CKMT2: variants seen among roughly 807,000 people sequenced by gnomAD.
CKMT2 encodes the protein creatine kinase, mitochondrial 2.
A neutral mutation model predicts 48.9 loss-of-function variants in CKMT2; 43 were observed. The observed-to-expected ratio is 0.88, with a 90% CI of 0.69 to 1.13. The LOEUF (loss-of-function observed/expected upper bound fraction) is 1.13, where lower values mean the gene tolerates loss of function less well. CKMT2 is among the 50% of genes most tolerant of loss of function. The probability of loss-of-function intolerance (pLI) is 0.00; values close to 1 mark genes in which losing one functional copy is unlikely to be tolerated. For missense variants in CKMT2, 472 were observed against 555.4 expected (o/e 0.85, Z 1.51); for synonymous variants, 206 against 213.0 (o/e 0.97, Z 0.29).
In CKMT2 at chr5:81,255,126, C is replaced by G. The variant is rs1045721478; in HGVS notation, c.581C>G (p.Thr194Ser). ...AGGGAGGTAGAGAACGTGGCCATCACTGCCCTGGAGGGCCTCAAGGGGGAC... is the reference window on the plus strand; with the variant it reads ...AGGGAGGTAGAGAACGTGGCCATCAGTGCCCTGGAGGGCCTCAAGGGGGAC... ...ERREVENVAI[T>S]ALEGLKGDLA... The change falls in exon 5 of 10, where the codon ACT becomes AGT. Residue 194 changes from threonine (T) to serine (S), a missense_variant. Transcript: ENST00000254035. The G allele has an allele frequency of 6.2e-7, 1 of 1,613,996 alleles. No individual in the cohort carries two copies. Among genetic ancestry groups the G allele is most frequent in the African/African-American group, 1.3e-5 (1 of 74,946 alleles).
intron 1 of CKMT2, chr5:81,242,388 T>C: frequency 2.0e-6 from 1 of 494,268 alleles, no homozygotes; most frequent in South Asian, 1.6e-5. Flanking sequence ...CTCCTTGCCA[T>C]AGTCCTTAAC....
In CKMT2 at chr5:81,257,713, C is replaced by T. The variant is rs1397104966; in HGVS notation, c.756-20C>T. 6.2e-7 allele frequency: 1 copy of T among 1,604,448 alleles called. No individual in the cohort carries two copies. Among genetic ancestry groups the T allele is most frequent in the Admixed American group, 1.7e-5 (1 of 58,386 alleles). ...AACAAATGCAATTAACACTCAGTAC[C>T]ATATTTCTCTCTTCATTAGGCATAA... On this transcript the variant is annotated intron_variant, in intron 6 of 9. Coordinates refer to ENST00000254035, the MANE Select transcript of CKMT2 (RefSeq NM_001099735.2).
intron 5 of CKMT2, 75 bp from the exon 6 acceptor site, chr5:81,256,840 T>C: frequency 1.9e-6 from 2 of 1,065,288 alleles, no homozygotes; most frequent in Non-Finnish European, 2.8e-6. Context: ...GGGTTGGAAC[T>C]TGTTCACCTG....
rs182678114 is a variant in CKMT2 at position 81,235,397 on chromosome 5, G to A, written c.-21+2020G>A. On this transcript the variant is annotated intron_variant, in intron 1 of 9. Coordinates refer to ENST00000254035, the MANE Select transcript of CKMT2 (RefSeq NM_001099735.2). ...TTGTTCAGAGTGTTCTGTGGAGCTG[G>A]TCCAAGCCCAAGGACATCCTCTGTT... Among the ~76,000 whole-genome samples, 15 of 152,302 alleles carry A rather than the reference G, an allele frequency of 9.8e-5. No homozygotes were observed. The East Asian group carries it at 2.7e-3, about 27-fold the overall frequency.
At chr5:81,237,385 G>A (rs1756277883) in intron 1 of CKMT2, among the ~76,000 whole-genome samples, 1 of 152,076 alleles carries the variant, frequency 6.6e-6, no homozygotes, top group South Asian at 2.1e-4. Flanking sequence ...CCATGATGGG[G>A]AGGAGCTGCT....
In CKMT2 at chr5:81,234,787, G is replaced by A. The variant is rs115068417; in HGVS notation, c.-21+1410G>A. 3.3e-3 allele frequency among the ~76,000 whole-genome samples: 498 copies of A among 152,220 alleles called. 4 individuals carry two copies. Among genetic ancestry groups the A allele is most frequent in the African/African-American group, 0.012 (487 of 41,560 alleles). ...ACCATACAGAATGGGGAGTCCTGGG[G>A]TTTCAGACACAGGAGGGAGACTGAC... On this transcript the variant is annotated intron_variant, in intron 1 of 9. Transcript: ENST00000254035.
chr5:81,254,407 CCT>C lies in CKMT2; in HGVS notation c.364_365del (p.Leu122PhefsTer2). The stretch of plus-strand genomic sequence containing the variant: ...CTTCCCTCCTGCAGGTGTTTGCTGA[CCT>C]TTTTGACCCCGTCATCAAACTAAGA... Reference protein sequence around the residue: ...DEESYEVFADLFDPVIKLRHN... With the variant: ...DEESYEVFADXFDPVIKLRHN... On this transcript the variant is annotated frameshift_variant, in exon 4 of 10. Transcript: ENST00000254035. LOFTEE classifies it high-confidence loss of function. 6.2e-7 allele frequency: 1 copy of C among 1,613,962 alleles called. No homozygotes were observed. The highest frequency in any genetic ancestry group is 1.3e-5 in the African/African-American group (1 of 74,918).
At chr5:81,236,081 G>A (rs888050826) in intron 1 of CKMT2, 18 of 152,364 alleles carry the variant, frequency 1.2e-4, no homozygotes, top group African/African-American at 4.1e-4. Context: ...AGAGTGGAGC[G>A]GGCAGAGATA....
chr5:81,252,317 T>C (rs1756844539), intron 2 of CKMT2: 2 of 244,640 alleles, frequency 8.2e-6, no homozygotes, highest in Non-Finnish European at 1.6e-5. Flanking sequence ...AACCCCCATG[T>C]ACCTTGGGAA....
At chr5:81,243,154 G>A (rs1344483412) in intron 1 of CKMT2, among the ~76,000 whole-genome samples, 1 of 152,144 alleles carries the variant, frequency 6.6e-6, no homozygotes, top group East Asian at 1.9e-4. Flanking sequence ...AGGTCCCTTG[G>A]GAAGACAATA....
chr5:81,256,170 T>C (rs1417716727), intron 5 of CKMT2, among the ~76,000 whole-genome samples: 1 of 151,590 alleles, frequency 6.6e-6, no homozygotes, highest in Admixed American at 6.6e-5. Context: ...AGTATACACA[T>C]TGCAAAAAAA....
chr5:81,251,097 C>T lies in CKMT2; in HGVS notation c.-20-16C>T. The stretch of plus-strand genomic sequence containing the variant: ...CATCCTATGAAGCTATCTAATCCAG[C>T]TTCTTTGCTTTCCAGACACTCATCC... On this transcript the variant is annotated splice_polypyrimidine_tract_variant and intron_variant, in intron 1 of 9. Transcript: ENST00000254035. 6.2e-7 allele frequency: 1 copy of T among 1,608,696 alleles called. No homozygotes were observed. Among genetic ancestry groups the T allele is most frequent in the South Asian group, 1.1e-5 (1 of 90,362 alleles).
At chr5:81,246,227 A>G (rs1039694406) in intron 1 of CKMT2, among the ~76,000 whole-genome samples, 8 of 151,252 alleles carry the variant, frequency 5.3e-5, no homozygotes, top group Non-Finnish European at 1.2e-4. Context: ...CTGCACTAGG[A>G]TAAAATCCAG....
intron 7 of CKMT2, 116 bp from the exon 8 acceptor site, chr5:81,259,004 C>T (rs748256867): frequency 4.2e-5 from 41 of 985,164 alleles, no homozygotes; most frequent in Non-Finnish European, 5.8e-5. Context: ...ATAAATTTAC[C>T]TTAATTTCAT....
At chr5:81,237,959 A>G (rs982632823) in intron 1 of CKMT2, 1 of 152,182 alleles carries the variant, frequency 6.6e-6, no homozygotes, top group South Asian at 2.1e-4. Flanking sequence ...TTCTCAAACT[A>G]TCTGTGGCAA....
chr5:81,233,583 G>C (rs981757498), intron 1 of CKMT2, among the ~76,000 whole-genome samples: 1 of 152,158 alleles, frequency 6.6e-6, no homozygotes. Flanking sequence ...CACACAGGTG[G>C]GGGCAGCTCA....
chr5:81,251,361 C>A, intron 2 of CKMT2, 77 bp downstream of exon 2: 1 of 1,475,042 alleles, frequency 6.8e-7, no homozygotes, highest in South Asian at 1.2e-5. Context: ...CTTTGGAAGG[C>A]CAGATCACGA....
At chr5:81,261,291 CACAAG>C in intron 8 of CKMT2, among the ~76,000 whole-genome samples, 1 of 152,200 alleles carries the variant, frequency 6.6e-6, no homozygotes. Flanking sequence ...TTGAAAACTG[CACAAG>C]ACAGGGATGC....
At chr5:81,243,858 A>AT (rs953792472) in intron 1 of CKMT2, among the ~76,000 whole-genome samples, 4 of 151,974 alleles carry the variant, frequency 2.6e-5, no homozygotes, top group African/African-American at 9.7e-5. Flanking sequence ...CCTGGCTAAT[A>AT]TTTTTTGTAT....
Sources: gnomAD v4.1 joint callset for allele counts (sites outside exome capture counted in the v4.1 genomes callset) on GRCh38, gnomAD v4.1.1 for gene constraint, MANE v1.5 for transcripts, NCBI Gene and HGNC (gene_info 2026-07-23, HGNC 2026-07-21) for gene names.